The following AFF3 variants were observed in gnomAD, a reference collection of about 807,000 sequenced individuals.
AFF3 encodes the protein AF4/FMR2 family member 3.
In AFF3, 32 loss-of-function variants were observed where a neutral mutation model predicts 129.7. The ratio of observed to expected loss-of-function variants is 0.25; its 90% CI spans 0.19 to 0.33. AFF3 has a LOEUF of 0.33. AFF3 is among the 10% of genes least tolerant of loss of function. AFF3 has a pLI of 1.00. For synonymous variants in AFF3, 644 were observed against 635.4 expected (o/e 1.01, Z -0.20); for missense variants, 1,373 against 1,592.0 (o/e 0.86, Z 2.34).
At chr2:99,590,729 A>G (rs1445142927) in intron 15 of AFF3, among the ~76,000 whole-genome samples, 2 of 152,160 alleles carry the variant, frequency 1.3e-5, no homozygotes, top group Non-Finnish European at 2.9e-5. Flanking sequence ...GCAGTGGCTC[A>G]TGCCTGTAAT....
chr2:100,113,031 CTGAG>C (rs765005795), intron 2 of AFF3, among the ~76,000 whole-genome samples: 3 of 152,194 alleles, frequency 2.0e-5, no homozygotes, highest in African/African-American at 7.2e-5. Context: ...TTGGACTTGA[CTGAG>C]TGTCAGCCCA....
intron 7 of AFF3, among the ~76,000 whole-genome samples, chr2:99,901,869 ACT>A (rs1694367435): frequency 6.6e-6 from 1 of 152,012 alleles, no homozygotes; most frequent in African/African-American, 2.4e-5. Flanking sequence ...CAGAAGGCCA[ACT>A]GCTTGTCACA....
Position 99,786,427 on chromosome 2 carries a change from A to T in AFF3, c.922-34126T>A, listed in dbSNP as rs376710651. Among the ~76,000 whole-genome samples, 26 of 152,346 alleles carry T rather than the reference A, an allele frequency of 1.7e-4. 1 individual carries two copies. Among genetic ancestry groups the T allele is most frequent in the South Asian group, 1.7e-3 (8 of 4,824 alleles). On this transcript the variant is annotated intron_variant, in intron 8 of 24. Transcript: ENST00000672756. ...TAAAGATTAACACGGCCATAAAGCGAAAGGTAGAATATTGAATGTTCAGAT... is the reference window on the plus strand; with the variant it reads ...TAAAGATTAACACGGCCATAAAGCGTAAGGTAGAATATTGAATGTTCAGAT...
chr2:100,001,844 A>C (rs972387161), intron 7 of AFF3, among the ~76,000 whole-genome samples: 18 of 152,262 alleles, frequency 1.2e-4, no homozygotes, highest in Non-Finnish European at 2.4e-4. Context: ...TAAACTACAG[A>C]AACCAAGTGC....
intron 4 of AFF3, among the ~76,000 whole-genome samples, chr2:100,019,177 AC>A: frequency 6.6e-6 from 1 of 152,084 alleles, no homozygotes; most frequent in African/African-American, 2.4e-5. Flanking sequence ...AAGCCCAGAG[AC>A]CCTCAACGTT....
At chr2:99,614,671 A>G (rs989142190) in intron 13 of AFF3, among the ~76,000 whole-genome samples, 2 of 152,218 alleles carry the variant, frequency 1.3e-5, no homozygotes, top group Admixed American at 6.5e-5. Context: ...AACATTTCTT[A>G]GTTTGGAATT....
chr2:99,879,558 T>C (rs1229764223), intron 7 of AFF3, among the ~76,000 whole-genome samples: 4 of 152,086 alleles, frequency 2.6e-5, no homozygotes, highest in Non-Finnish European at 5.9e-5. Context: ...ATGAAAAGAG[T>C]TTCTCTGTCA....
intron 9 of AFF3, among the ~76,000 whole-genome samples, chr2:99,750,164 T>C (rs955633830): frequency 3.9e-5 from 6 of 152,214 alleles, no homozygotes; most frequent in African/African-American, 9.6e-5. Flanking sequence ...AGTAGTTGTA[T>C]CATATATAAT....
In AFF3 at chr2:99,593,605, C is replaced by G; in HGVS notation, c.2056G>C (p.Glu686Gln). The G allele has an allele frequency of 6.2e-7, 1 of 1,612,110 alleles. No homozygotes were observed. Among genetic ancestry groups the G allele is most frequent in the Non-Finnish European group, 8.5e-7 (1 of 1,179,156 alleles). The change falls in exon 15 of 25, where the codon GAG becomes CAG. Residue 686 changes from glutamate to glutamine, a missense_variant. Glu to Gln is a conservative substitution (Grantham distance 29). Transcript: ENST00000672756. The part of the protein sequence containing the change: ...SSDSDLESEQ[E>Q]EYPLSKAQTV... ...TGTGCTTTGGACAGAGGGTACTCCTCCTGCTCGGACTCCAGGTCGGAGTCC... is the reference window on the plus strand; with the variant it reads ...TGTGCTTTGGACAGAGGGTACTCCTGCTGCTCGGACTCCAGGTCGGAGTCC...
chr2:99,844,441 T>C (rs932763231), intron 7 of AFF3, among the ~76,000 whole-genome samples: 2 of 135,786 alleles, frequency 1.5e-5, no homozygotes, highest in Non-Finnish European at 3.2e-5. Context: ...TTTCTTTTTT[T>C]TTTTTTTTTT....
rs1682563640 is a variant in AFF3, at chr2:100,011,649, T to A, written c.54-2717A>T. 6.5e-6 allele frequency: 5 copies of A among 765,224 alleles called. No individual in the cohort carries two copies. In the East Asian group the frequency reaches 9.7e-5, roughly 15 times the overall value. The allele number at this position is 765,224 out of a possible 1,614,324, so 47.4% of individuals were successfully genotyped here. On this transcript the variant is annotated intron_variant, in intron 4 of 24. Coordinates refer to ENST00000672756, the MANE Select transcript of AFF3 (RefSeq NM_001386135.1). ...CCTTGAGTATCTTAGCGTGCATGAG[T>A]CTGTCAGCATATTTTCCAGAAGCCG...
chr2:99,729,958 AAGAGGGGAAAAAATG>A (rs1553441447), intron 10 of AFF3, among the ~76,000 whole-genome samples: 3 of 152,122 alleles, frequency 2.0e-5, no homozygotes, highest in Non-Finnish European at 4.4e-5. Flanking sequence ...TACAGAGAGG[AAGAGGGGAAAAAATG>A]AGCCACGGAA....
intron 11 of AFF3, among the ~76,000 whole-genome samples, chr2:99,703,613 A>G (rs533485823): frequency 2.0e-5 from 3 of 150,594 alleles, no homozygotes; most frequent in African/African-American, 7.3e-5. Flanking sequence ...TTCTTCGTTT[A>G]CTGTTTTATT....
intron 2 of AFF3, among the ~76,000 whole-genome samples, chr2:100,113,892 A>G (rs1292107946): frequency 2.0e-5 from 3 of 152,066 alleles, no homozygotes; most frequent in African/African-American, 7.2e-5. Context: ...GGGGGGTTGT[A>G]GAAGTCAGTA....
chr2:99,956,334 G>A (rs1476559456), intron 7 of AFF3, among the ~76,000 whole-genome samples: 1 of 152,196 alleles, frequency 6.6e-6, no homozygotes. Context: ...TTATTGACGT[G>A]GGGGAAAAGT....
chr2:99,560,309 G>C (rs1202989440), intron 21 of AFF3, 56 bp downstream of exon 21: 1 of 1,570,132 alleles, frequency 6.4e-7, no homozygotes, highest in Non-Finnish European at 8.8e-7. Context: ...CACCTGGTTT[G>C]CCAATGATGG....
At chr2:99,936,922 C>T (rs1377225210) in intron 7 of AFF3, among the ~76,000 whole-genome samples, 1 of 152,138 alleles carries the variant, frequency 6.6e-6, no homozygotes, top group African/African-American at 2.4e-5. Flanking sequence ...CAGCTCTCAG[C>T]CTCTCAGGTC....
intron 4 of AFF3, among the ~76,000 whole-genome samples, chr2:100,056,798 C>T (rs1350488927): frequency 6.6e-6 from 1 of 152,096 alleles, no homozygotes; most frequent in Non-Finnish European, 1.5e-5. Flanking sequence ...TGTTTTAAAA[C>T]TCTTATATAC....
chr2:100,085,653 A>G (rs62149344), intron 4 of AFF3, among the ~76,000 whole-genome samples: 1 of 151,304 alleles, frequency 6.6e-6, no homozygotes, highest in South Asian at 2.1e-4. Flanking sequence ...CATAGAAATA[A>G]GCATTTAGTT....
Sources: allele counts gnomAD v4.1 joint callset (sites outside exome capture counted in the v4.1 genomes callset), GRCh38; gene constraint gnomAD v4.1.1; transcripts MANE v1.5; gene names NCBI Gene and HGNC (gene_info 2026-07-23, HGNC 2026-07-21).